The following HEATR5B variants were observed in gnomAD, a reference collection of about 807,000 sequenced individuals.
HEATR5B encodes HEAT repeat-containing protein 5B.
A neutral mutation model predicts 224.1 loss-of-function variants in HEATR5B; 156 were observed. The observed-to-expected ratio is 0.70, with a 90% CI of 0.61 to 0.80. The LOEUF (loss-of-function observed/expected upper bound fraction) is 0.80. Ranked by LOEUF, HEATR5B falls within the 30% of genes least tolerant of loss-of-function variation. The pLI is 0.00. For synonymous variants in HEATR5B, 1,027 were observed against 893.0 expected, an observed-to-expected ratio of 1.15 and a Z score of -2.68; for missense variants, 2,323 against 2,535.5, an observed-to-expected ratio of 0.92 and a Z score of 1.80.
intron 35 of HEATR5B, among the ~76,000 whole-genome samples, chr2:36,987,994 T>C (rs977309010): frequency 6.6e-6 from 1 of 151,656 alleles, no homozygotes; most frequent in Non-Finnish European, 1.5e-5. Flanking sequence ...ATTGTTTCAG[T>C]GCAGGAGGCA....
intron 26 of HEATR5B, among the ~76,000 whole-genome samples, chr2:37,018,195 T>TA (rs34971106): frequency 4.0e-5 from 6 of 150,818 alleles, no homozygotes; most frequent in South Asian, 2.1e-4. Context: ...AAACTTCTTA[T>TA]AAAAAAAAAT....
intron 27 of HEATR5B, among the ~76,000 whole-genome samples, chr2:37,011,792 T>C (rs1415207197): frequency 1.3e-5 from 2 of 152,218 alleles, no homozygotes; most frequent in African/African-American, 2.4e-5. Flanking sequence ...ACAAAAGATA[T>C]TCATTTCTTC....
rs1479048084 is a variant in HEATR5B at position 37,003,588 on chromosome 2, T to C, written c.5004A>G (p.Ile1668Met). The C allele has an allele frequency of 1.2e-6, 2 of 1,612,088 alleles. No individual in the cohort carries two copies. Among genetic ancestry groups the C allele is most frequent in the South Asian group, 1.1e-5 (1 of 90,956 alleles). ...GCAAATAATCCTGAGCAGCTCTTAC[T>C]ATCTGTTGTACAACTCCAGTAACCA... ...QLLVTGVVQQIVRAAQDYLQE... is the reference protein window; with the variant it reads ...QLLVTGVVQQMVRAAQDYLQE... Residue 1668 changes from isoleucine (I) to methionine (M), a missense_variant, in exon 31 of 36, where the codon ATA becomes ATG. Physicochemically the swap from Ile to Met is conservative, Grantham distance 10. This residue lies in a region of HEATR5B where 844 missense variants were observed against 812.9 expected (regional missense o/e 1.04). Coordinates refer to ENST00000233099, the MANE Select transcript of HEATR5B (RefSeq NM_019024.3).
chr2:37,053,297 A>G (rs1007105324), intron 17 of HEATR5B, among the ~76,000 whole-genome samples: 1 of 152,258 alleles, frequency 6.6e-6, no homozygotes, highest in Non-Finnish European at 1.5e-5. Flanking sequence ...ATTGAAACAT[A>G]AACTTTAACA....
chr2:37,049,982 C>G, intron 17 of HEATR5B, 139 bp from the exon 18 acceptor site: 1 of 785,064 alleles, frequency 1.3e-6, no homozygotes, highest in Non-Finnish European at 1.9e-6. Flanking sequence ...CCTCGACCTT[C>G]TGAGCTCAAG....
intron 24 of HEATR5B, among the ~76,000 whole-genome samples, chr2:37,021,167 A>G (rs2148440053): frequency 6.6e-6 from 1 of 152,348 alleles, no homozygotes; most frequent in East Asian, 1.9e-4. Context: ...CAGATAGTTA[A>G]TATTTTTGGC....
chr2:36,988,576 A>G, intron 35 of HEATR5B, 70 bp downstream of exon 35: 9 of 1,351,818 alleles, frequency 6.7e-6, no homozygotes, highest in Non-Finnish European at 9.2e-6. Flanking sequence ...TGTTTCTAAT[A>G]TCAAATAAGA....
intron 10 of HEATR5B, among the ~76,000 whole-genome samples, chr2:37,063,396 C>G (rs1045509514): frequency 6.6e-6 from 1 of 152,034 alleles, no homozygotes; most frequent in Non-Finnish European, 1.5e-5. Context: ...TTTGAATGAA[C>G]GGCGGAATGA....
chr2:37,015,428 G>C (rs1668053224), intron 26 of HEATR5B, among the ~76,000 whole-genome samples: 1 of 152,182 alleles, frequency 6.6e-6, no homozygotes, highest in Admixed American at 6.5e-5. Context: ...ATAGAACAGA[G>C]ATGATACGGA....
chr2:36,991,471 G>C (rs1212410033), intron 33 of HEATR5B, among the ~76,000 whole-genome samples: 2 of 148,076 alleles, frequency 1.4e-5, no homozygotes, highest in Non-Finnish European at 3.0e-5. Flanking sequence ...CTCCAGCCTG[G>C]GCAACAAAAG....
intron 24 of HEATR5B, among the ~76,000 whole-genome samples, chr2:37,021,844 G>A (rs934655389): frequency 2.7e-5 from 4 of 147,766 alleles, no homozygotes; most frequent in African/African-American, 7.5e-5. Flanking sequence ...CCGAGATCAC[G>A]CAACTGCACT....
chr2:36,990,717 T>G lies in HEATR5B; in HGVS notation c.5628A>C (p.Ile1876=). 2.5e-6 allele frequency: 4 copies of G among 1,612,182 alleles called. No homozygotes were observed. Among genetic ancestry groups the G allele is most frequent in the South Asian group, 1.1e-5 (1 of 90,802 alleles). Residue 1876 remains isoleucine, a synonymous_variant, in exon 34 of 36, where the codon ATA becomes ATC. Transcript: ENST00000233099. ...AGCCATTCTGTAATGACTGGACTCC[T>G]ATTATTTCATTACTAGCAGACCACA... The part of the protein sequence containing the change: ...LFLWSASNEI[I]GVQSLQNGCM...
intron 2 of HEATR5B, among the ~76,000 whole-genome samples, chr2:37,080,541 ATGGTTTTCCCT>A (rs1230491353): frequency 6.6e-6 from 1 of 152,144 alleles, no homozygotes; most frequent in Non-Finnish European, 1.5e-5. Flanking sequence ...AAATGACTCT[ATGGTTTTCCCT>A]TGAGCAACTA....
intron 30 of HEATR5B, 45 bp from the exon 31 acceptor site, chr2:37,003,731 A>G (rs1205989512): frequency 1.5e-6 from 2 of 1,373,200 alleles, no homozygotes; most frequent in Non-Finnish European, 2.0e-6. Flanking sequence ...TTCAATCTCA[A>G]AGAATAACTT....
At chr2:37,058,637 A>G in intron 13 of HEATR5B, 77 bp from the exon 14 acceptor site, 1 of 948,718 alleles carries the variant, frequency 1.1e-6, no homozygotes, top group East Asian at 2.5e-5. Flanking sequence ...CAATGTATCA[A>G]TGTACTGCCA....
At chr2:37,008,155 A>G (rs557628324) in intron 28 of HEATR5B, 10 of 167,648 alleles carry the variant, frequency 6.0e-5, no homozygotes, top group Admixed American at 1.7e-4. Flanking sequence ...CTAATAACAC[A>G]CTTTCTAAAC....
intron 14 of HEATR5B, 63 bp from the exon 15 acceptor site, chr2:37,057,543 C>A: frequency 2.7e-6 from 3 of 1,130,682 alleles, no homozygotes; most frequent in Non-Finnish European, 2.5e-6. Context: ...ATAATCATTG[C>A]CCACAAAGAG....
intron 10 of HEATR5B, among the ~76,000 whole-genome samples, chr2:37,062,442 A>G (rs1445742462): frequency 6.6e-6 from 1 of 152,112 alleles, no homozygotes; most frequent in African/African-American, 2.4e-5. Context: ...AAAAAAAAAG[A>G]AGTTGTCCTC....
intron 14 of HEATR5B, among the ~76,000 whole-genome samples, chr2:37,057,772 G>C (rs1245732391): frequency 6.6e-6 from 1 of 152,128 alleles, no homozygotes; most frequent in Non-Finnish European, 1.5e-5. Flanking sequence ...TACTCAGCAG[G>C]CTGAGGCAGG....
Sources: gnomAD v4.1 joint callset for allele counts (sites outside exome capture counted in the v4.1 genomes callset) on GRCh38, gnomAD v4.1.1 for gene constraint, gnomAD v4.1.1 regional missense constraint, MANE v1.5 for transcripts, NCBI Gene and HGNC (gene_info 2026-07-23, HGNC 2026-07-21) for gene names.